Variants in PARD3 observed in about 807,000 individuals in gnomAD.
PARD3 encodes par-3 family cell polarity regulator.
In PARD3, 75 loss-of-function variants were observed where a neutral mutation model predicts 155.4. That is an observed-to-expected ratio of 0.48 (90% confidence interval 0.40 to 0.58). The LOEUF (loss-of-function observed/expected upper bound fraction) is 0.58. Ranked by LOEUF, PARD3 falls within the 20% of genes least tolerant of loss-of-function variation. The pLI is 0.00. For missense variants in PARD3, 1,642 were observed against 1,721.7 expected (o/e 0.95, Z 0.82); for synonymous variants, 576 against 610.5 (o/e 0.94, Z 0.83).
chr10:34,406,597 G>T (rs570950139), intron 5 of PARD3, among the ~76,000 whole-genome samples: 19 of 152,024 alleles, frequency 1.2e-4, no homozygotes, highest in Non-Finnish European at 2.6e-4. Context: ...TTGCTATGTT[G>T]CCCAGTTCTG....
At chr10:34,289,833 G>A (rs1447575000) in intron 20 of PARD3, among the ~76,000 whole-genome samples, 3 of 152,212 alleles carry the variant, frequency 2.0e-5, no homozygotes, top group Non-Finnish European at 4.4e-5. Context: ...ACTGCTGTCT[G>A]CCAGATCAGC....
intron 19 of PARD3, among the ~76,000 whole-genome samples, chr10:34,325,893 T>A (rs1255117905): frequency 6.6e-6 from 1 of 152,010 alleles, no homozygotes; most frequent in Non-Finnish European, 1.5e-5. Flanking sequence ...GAGGCCAAGG[T>A]GGGCAGATCA....
intron 19 of PARD3, among the ~76,000 whole-genome samples, chr10:34,329,409 C>A (rs1835379749): frequency 1.3e-5 from 2 of 152,040 alleles, no homozygotes; most frequent in South Asian, 2.1e-4. Flanking sequence ...ACACCCAAGA[C>A]AGAGAGAAGC....
At chr10:34,783,629 A>G (rs1025743845) in intron 1 of PARD3, among the ~76,000 whole-genome samples, 1 of 140,176 alleles carries the variant, frequency 7.1e-6, no homozygotes, top group Non-Finnish European at 1.6e-5. Context: ...AAAAAAAAAA[A>G]GAATGTAAGT....
chr10:34,193,097 T>C (rs573618991), intron 22 of PARD3, among the ~76,000 whole-genome samples: 1 of 152,368 alleles, frequency 6.6e-6, no homozygotes, highest in East Asian at 1.9e-4. Context: ...ATTAAACAAG[T>C]AAATTCTTTC....
At chr10:34,313,031 T>A (rs1193846067) in intron 20 of PARD3, among the ~76,000 whole-genome samples, 3 of 152,220 alleles carry the variant, frequency 2.0e-5, no homozygotes, top group Non-Finnish European at 2.9e-5. Flanking sequence ...TTAAGAAGGC[T>A]GCTTTCCTTT....
At chr10:34,264,365 A>T (rs951884062) in intron 22 of PARD3, among the ~76,000 whole-genome samples, 1 of 152,238 alleles carries the variant, frequency 6.6e-6, no homozygotes, top group Non-Finnish European at 1.5e-5. Context: ...TGAGCTTATC[A>T]GGACCGAACA....
In PARD3 at chr10:34,110,956, G is replaced by T; in HGVS notation, c.*213C>A. Reference sequence around the variant, plus strand: ...CACCTCAAACAGATGATTGTCACAGGGTGGGAAATCCTTCCATGAAACAGA... The same window carrying T: ...CACCTCAAACAGATGATTGTCACAGTGTGGGAAATCCTTCCATGAAACAGA... On this transcript the variant is annotated 3_prime_UTR_variant, in exon 25 of 25. Transcript: ENST00000374788. The T allele has an allele frequency of 2.1e-6, 1 of 479,424 alleles. No homozygotes were observed. The highest frequency in any genetic ancestry group is 3.6e-6 in the Non-Finnish European group (1 of 275,634). 29.7% of individuals were successfully genotyped at this position (479,424 alleles called of 1,614,324 possible).
At chr10:34,340,594 G>C (rs1482240830) in intron 16 of PARD3, among the ~76,000 whole-genome samples, 1 of 152,094 alleles carries the variant, frequency 6.6e-6, no homozygotes, top group African/African-American at 2.4e-5. Context: ...CCAAATAAGA[G>C]GTGTGATTTA....
intron 22 of PARD3, among the ~76,000 whole-genome samples, chr10:34,181,323 T>A (rs903777201): frequency 3.3e-5 from 5 of 152,196 alleles, no homozygotes; most frequent in Non-Finnish European, 5.9e-5. Context: ...AGTGGGAAGC[T>A]ATGATCCAGT....
chr10:34,469,047 C>T (rs2078183059), intron 4 of PARD3, among the ~76,000 whole-genome samples: 1 of 152,096 alleles, frequency 6.6e-6, no homozygotes, highest in African/African-American at 2.4e-5. Context: ...CAGCAAAAAG[C>T]ACATTAAATA....
At chr10:34,329,866 A>G (rs1835427412) in intron 19 of PARD3, among the ~76,000 whole-genome samples, 2 of 152,192 alleles carry the variant, frequency 1.3e-5, no homozygotes, top group Non-Finnish European at 1.5e-5. Context: ...CAAACGCATT[A>G]TATGTATAAG....
chr10:34,603,491 G>A (rs748577659), intron 2 of PARD3, among the ~76,000 whole-genome samples: 4 of 152,174 alleles, frequency 2.6e-5, no homozygotes, highest in African/African-American at 7.2e-5. Flanking sequence ...AAACAGTCAC[G>A]GAACACATTG....
intron 1 of PARD3, among the ~76,000 whole-genome samples, chr10:34,771,100 C>T (rs1353851797): frequency 2.0e-5 from 3 of 152,214 alleles, no homozygotes; most frequent in African/African-American, 4.8e-5. Context: ...AAATTGGTCA[C>T]TTGAAAACAT....
chr10:34,273,575 C>T (rs1589017239), intron 21 of PARD3, among the ~76,000 whole-genome samples: 1 of 152,180 alleles, frequency 6.6e-6, no homozygotes, highest in African/African-American at 2.4e-5. Flanking sequence ...CACAGAACTA[C>T]ACACACCCTA....
chr10:34,536,478 C>T (rs2083241128), intron 2 of PARD3, among the ~76,000 whole-genome samples: 1 of 152,148 alleles, frequency 6.6e-6, no homozygotes, highest in South Asian at 2.1e-4. Context: ...TGGGAAAAGG[C>T]CTAAGCTCTT....
chr10:34,325,447 G>A (rs955466200), intron 19 of PARD3, among the ~76,000 whole-genome samples: 6 of 152,024 alleles, frequency 3.9e-5, no homozygotes, highest in South Asian at 2.1e-4. Flanking sequence ...CACTCAACTC[G>A]GCCAATACCT....
chr10:34,713,814 A>G (rs1234824336), intron 1 of PARD3, among the ~76,000 whole-genome samples: 1 of 151,988 alleles, frequency 6.6e-6, no homozygotes, highest in Non-Finnish European at 1.5e-5. Flanking sequence ...AACATAAAAT[A>G]GGGTCACGGA....
At chr10:34,500,099 A>C (rs1275672407) in intron 3 of PARD3, among the ~76,000 whole-genome samples, 1 of 152,228 alleles carries the variant, frequency 6.6e-6, no homozygotes, top group Non-Finnish European at 1.5e-5. Flanking sequence ...CAGAGGGCTG[A>C]CTACATACTT....
Sources: gnomAD v4.1 joint callset for allele counts (sites outside exome capture counted in the v4.1 genomes callset) on GRCh38, gnomAD v4.1.1 for gene constraint, MANE v1.5 for transcripts, NCBI Gene and HGNC (gene_info 2026-07-23, HGNC 2026-07-21) for gene names.